Variants in ETHE1 observed in about 807,000 individuals in gnomAD.
ETHE1 encodes persulfide dioxygenase ETHE1, mitochondrial.
In ETHE1, 16 loss-of-function variants were observed where a neutral mutation model predicts 25.7. The observed-to-expected ratio is 0.62, with a 90% CI of 0.42 to 0.95. The LOEUF is 0.95. Ranked by LOEUF, ETHE1 falls within the 40% of genes least tolerant of loss-of-function variation. The pLI is 0.00. For missense variants in ETHE1, 300 were observed against 333.6 expected (o/e 0.90, Z 0.79); for synonymous variants, 139 against 135.9 (o/e 1.02, Z -0.16).
intron 1 of ETHE1, 178 bp downstream of exon 1, chr19:43,526,919 G>A: frequency 1.3e-6 from 2 of 1,483,048 alleles, no homozygotes; most frequent in South Asian, 2.7e-5. Flanking sequence ...CAAGCCCAGA[G>A]GCCCCCAGAC....
intron 3 of ETHE1, among the ~76,000 whole-genome samples, chr19:43,519,589 C>A (rs1218778310): frequency 6.6e-6 from 1 of 152,112 alleles, no homozygotes; most frequent in East Asian, 1.9e-4. Flanking sequence ...CTGAAACTAC[C>A]CCCATCAAAG....
chr19:43,526,087 G>A, intron 3 of ETHE1, 114 bp downstream of exon 3: 2 of 1,524,088 alleles, frequency 1.3e-6, no homozygotes, highest in Admixed American at 1.7e-5. Flanking sequence ...AGAAACCCAG[G>A]TCCTGAGGTC....
intron 4 of ETHE1, among the ~76,000 whole-genome samples, chr19:43,509,634 A>G (rs1343441570): frequency 6.6e-6 from 1 of 151,714 alleles, no homozygotes; most frequent in African/African-American, 2.4e-5. Context: ...TCTCTACTAA[A>G]AATACAAAAA....
At chr19:43,516,312 T>C (rs1026743560) in intron 3 of ETHE1, among the ~76,000 whole-genome samples, 3 of 152,184 alleles carry the variant, frequency 2.0e-5, no homozygotes, top group Admixed American at 2.0e-4. Flanking sequence ...ATGATTTTTT[T>C]TTTTTTAACC....
intron 6 of ETHE1, among the ~76,000 whole-genome samples, chr19:43,507,195 T>A (rs1193415672): frequency 1.5e-5 from 1 of 66,710 alleles, no homozygotes; most frequent in East Asian, 5.2e-4. Flanking sequence ...GACCCAGGAG[T>A]CCAGTCCCCC....
At chr19:43,526,117 G>A in intron 3 of ETHE1, 84 bp downstream of exon 3, 1 of 1,604,850 alleles carries the variant, frequency 6.2e-7, no homozygotes, top group Non-Finnish European at 8.5e-7. Context: ...CAAGGACTCA[G>A]GATCCCAGGC....
At chr19:43,516,623 CTTTTTTT>C (rs71169249) in intron 3 of ETHE1, among the ~76,000 whole-genome samples, 5 of 110,172 alleles carry the variant, frequency 4.5e-5, no homozygotes, top group South Asian at 3.0e-4. Context: ...TTCTTTTTTT[CTTTTTTT>C]TTTTTTTTTT....
intron 3 of ETHE1, among the ~76,000 whole-genome samples, chr19:43,518,001 G>A (rs1046478874): frequency 1.2e-4 from 18 of 145,528 alleles, no homozygotes; most frequent in African/African-American, 4.3e-4. Context: ...GGGTGACAGA[G>A]CGAGACTGTC....
chr19:43,522,983 G>C (rs1437803571), intron 3 of ETHE1, among the ~76,000 whole-genome samples: 1 of 152,102 alleles, frequency 6.6e-6, no homozygotes, highest in African/African-American at 2.4e-5. Flanking sequence ...CAATAAGAAG[G>C]AAAGAACTCC....
At chr19:43,508,716 G>T (rs764389461) in intron 5 of ETHE1, 59 bp downstream of exon 5, 1 of 1,338,668 alleles carries the variant, frequency 7.5e-7, no homozygotes, top group Non-Finnish European at 1.1e-6. Context: ...GGATTACAGA[G>T]ATTTACACTC....
At position 43,511,510 on chromosome 19, in the gene ETHE1, C is replaced by A. The variant is rs763287958; in HGVS notation, c.432G>T (p.Leu144=). 1.2e-6 allele frequency: 2 copies of A among 1,614,134 alleles called. No homozygotes were observed. The highest frequency in any genetic ancestry group is 1.7e-6 in the Non-Finnish European group (2 of 1,180,032). Residue 144 remains leucine (L), a synonymous_variant, in exon 4 of 7, where the codon CTG becomes CTT. Coordinates refer to ENST00000292147, the MANE Select transcript of ETHE1 (RefSeq NM_014297.5). The part of the protein sequence containing the change: ...GHTPGCVTFV[L]NDHSMAFTGD... ...CAGTGAAGGCCATGCTGTGGTCATT[C>A]AGGACGAAGGTGACACAGCCTGGGG...
chr19:43,519,016 T>TG (rs1972086470), intron 3 of ETHE1, among the ~76,000 whole-genome samples: 1 of 100,782 alleles, frequency 9.9e-6, no homozygotes, highest in Non-Finnish European at 2.1e-5. Context: ...TTTTTTTTTT[T>TG]TTTTTTTTTT....
intron 3 of ETHE1, among the ~76,000 whole-genome samples, chr19:43,520,922 G>A (rs1972126505): frequency 6.6e-6 from 1 of 151,974 alleles, no homozygotes; most frequent in South Asian, 2.1e-4. Context: ...GGGACCTGGG[G>A]GATCAGTGTT....
At position 43,511,436 on chromosome 19, in the gene ETHE1, C is replaced by T. The variant is rs935855792; in HGVS notation, c.505+1G>A. 4 of 1,614,074 alleles carry T rather than the reference C, an allele frequency of 2.5e-6. No homozygotes were observed. In the Admixed American group the frequency reaches 6.7e-5, roughly 27 times the overall value. ...TTGGGCTGGATAAAGGAGCTGGTCA[C>T]CTTGCTGGAAGTCTGTCCGCCCACA... On this transcript the variant is annotated splice_donor_variant, in intron 4 of 6. Coordinates refer to ENST00000292147, the MANE Select transcript of ETHE1 (RefSeq NM_014297.5). LOFTEE classifies it high-confidence loss of function.
chr19:43,521,315 G>C (rs1180324797), intron 3 of ETHE1, among the ~76,000 whole-genome samples: 1 of 151,552 alleles, frequency 6.6e-6, no homozygotes, highest in Non-Finnish European at 1.5e-5. Context: ...ACAGAGTGAG[G>C]CTCTGTCTCA....
In ETHE1 at chr19:43,526,119, A is replaced by C. The variant is rs892972457; in HGVS notation, c.375+82T>G. 1.4e-5 allele frequency: 23 copies of C among 1,603,036 alleles called. No individual in the cohort carries two copies. The South Asian group carries it at 2.4e-4, about 17-fold the overall frequency. ...GGTCCCTCCTCCCCAAGGACTCAGG[A>C]TCCCAGGCCCCCAGTCCCCTCTTCC... On this transcript the variant is annotated intron_variant, in intron 3 of 6. Transcript: ENST00000292147.
intron 1 of ETHE1, 30 bp from the exon 2 acceptor site, chr19:43,526,689 A>G: frequency 6.2e-7 from 1 of 1,612,344 alleles, no homozygotes; most frequent in Non-Finnish European, 8.5e-7. Flanking sequence ...GTGAGGGCGC[A>G]GAACCGGACT....
At chr19:43,512,695 G>C (rs1020360829) in intron 3 of ETHE1, among the ~76,000 whole-genome samples, 2 of 152,122 alleles carry the variant, frequency 1.3e-5, no homozygotes, top group Non-Finnish European at 2.9e-5. Context: ...TGTTTAAAAG[G>C]GAAATAGAGC....
intron 3 of ETHE1, among the ~76,000 whole-genome samples, chr19:43,521,662 T>G (rs1246642134): frequency 3.4e-5 from 5 of 147,780 alleles, no homozygotes; most frequent in Non-Finnish European, 7.5e-5. Context: ...AGAGTGAGAC[T>G]CTGTCTCTAA....
Sources: gnomAD v4.1 joint callset for allele counts (sites outside exome capture counted in the v4.1 genomes callset) on GRCh38, gnomAD v4.1.1 for gene constraint, MANE v1.5 for transcripts, NCBI Gene and HGNC (gene_info 2026-07-23, HGNC 2026-07-21) for gene names.